Variants in RPN1 observed in about 807,000 individuals in gnomAD.
The protein encoded by RPN1 is dolichyl-diphosphooligosaccharide--protein glycosyltransferase subunit 1.
A neutral mutation model predicts 55.5 loss-of-function variants in RPN1; 12 were observed. That is an observed-to-expected ratio of 0.22 (90% confidence interval 0.14 to 0.35). The LOEUF (loss-of-function observed/expected upper bound fraction) is 0.35. Among genes scored for constraint, RPN1 ranks in the 10% least tolerant of loss-of-function variants. RPN1 has a pLI of 1.00. For missense variants in RPN1, 679 were observed against 761.3 expected, an observed-to-expected ratio of 0.89 and a Z score of 1.27; for synonymous variants, 317 against 305.9, an observed-to-expected ratio of 1.04 and a Z score of -0.38.
At chr3:128,641,066 G>T (rs992439212) in intron 2 of RPN1, 1 of 151,804 alleles carries the variant, frequency 6.6e-6, no homozygotes, top group South Asian at 2.1e-4. Context: ...AGACAACACA[G>T]AACTGTCTAA....
intron 8 of RPN1, among the ~76,000 whole-genome samples, chr3:128,623,657 C>CT (rs1364850631): frequency 6.6e-6 from 1 of 152,252 alleles, no homozygotes; most frequent in East Asian, 1.9e-4. Context: ...CTGCAGTGAG[C>CT]TGTGATTGAT....
intron 1 of RPN1, among the ~76,000 whole-genome samples, chr3:128,650,038 G>C (rs1026816894): frequency 6.6e-6 from 1 of 152,208 alleles, no homozygotes; most frequent in African/African-American, 2.4e-5. Context: ...TGAATTAAGA[G>C]AATGAAATTC....
chr3:128,643,712 T>A (rs536324402), intron 2 of RPN1, among the ~76,000 whole-genome samples: 1 of 151,954 alleles, frequency 6.6e-6, no homozygotes, highest in East Asian at 1.9e-4. Context: ...GGACAATCAC[T>A]TGAACCCGGG....
At chr3:128,624,854 G>A (rs2069587629) in intron 8 of RPN1, among the ~76,000 whole-genome samples, 1 of 152,038 alleles carries the variant, frequency 6.6e-6, no homozygotes, top group Admixed American at 6.6e-5. Context: ...AACACACGCT[G>A]TGCCTGTCAT....
rs142889882 is a variant in RPN1, at chr3:128,622,303, T to C, written c.1502A>G (p.Asn501Ser). The change falls in exon 9 of 10, where the codon AAT (asparagine) becomes AGT (serine). Residue 501 changes from asparagine to serine, a missense_variant. Transcript: ENST00000296255. The part of the protein sequence containing the change: ...GLYRHFDETV[N>S]RYKQSRDIST... Reference sequence around the variant, plus strand: ...GATGTCCCGGGATTGCTTGTACCTATTGACGGTCTCGTCAAAGTGACGGTA... The same window carrying C: ...GATGTCCCGGGATTGCTTGTACCTACTGACGGTCTCGTCAAAGTGACGGTA... 5.9e-5 allele frequency: 95 copies of C among 1,614,252 alleles called. No individual in the cohort carries two copies. In the African/African-American group the frequency reaches 6.9e-4, roughly 12 times the overall value.
At chr3:128,646,285 A>G (rs1383305530) in intron 1 of RPN1, among the ~76,000 whole-genome samples, 1 of 150,550 alleles carries the variant, frequency 6.6e-6, no homozygotes, top group Non-Finnish European at 1.5e-5. Flanking sequence ...AGATCTCCCT[A>G]TGTTGCCCAG....
At chr3:128,624,514 T>C (rs76254846) in intron 8 of RPN1, among the ~76,000 whole-genome samples, 7,315 of 148,948 alleles carry the variant, frequency 0.049, 239 homozygotes, top group Middle Eastern at 0.13. Context: ...AAGAAAAAAA[T>C]CTGCATATAA....
intron 1 of RPN1, among the ~76,000 whole-genome samples, chr3:128,645,724 G>C (rs947210091): frequency 1.3e-5 from 2 of 152,102 alleles, no homozygotes; most frequent in Non-Finnish European, 2.9e-5. Flanking sequence ...GGCTGAGGCA[G>C]AACAATCACT....
rs1034752557 is a variant in RPN1, at chr3:128,636,268, C to T, written c.633+1531G>A. Among the ~76,000 whole-genome samples, 6 of 152,142 alleles carry T rather than the reference C, an allele frequency of 3.9e-5. No individual in the cohort carries two copies. In the East Asian group the frequency reaches 1.2e-3, roughly 29 times the overall value. On this transcript the variant is annotated intron_variant, in intron 3 of 9. Transcript: ENST00000296255. ...CTGAGCTCAGGAGTTCAAGACCAGC[C>T]TGGCCAACATGGAGAAACCCCGTCT...
In RPN1 at chr3:128,632,116, C is replaced by G; in HGVS notation, c.675G>C (p.Leu225=). The G allele has an allele frequency of 6.2e-7, 1 of 1,614,122 alleles. No homozygotes were observed. Among genetic ancestry groups the G allele is most frequent in the Non-Finnish European group, 8.5e-7 (1 of 1,180,022 alleles). Residue 225 remains leucine (L), a synonymous_variant, in exon 4 of 10, where the codon CTG becomes CTC. Coordinates refer to ENST00000296255, the MANE Select transcript of RPN1 (RefSeq NM_002950.4). ...TGACTCGGGTCATGCTGGTGATGGTCAGGAAAGGGCTGTTGTTCTCATAAT... is the reference window on the plus strand; with the variant it reads ...TGACTCGGGTCATGCTGGTGATGGTGAGGAAAGGGCTGTTGTTCTCATAAT... The part of the protein sequence containing the change: ...KVHYENNSPF[L]TITSMTRVIE...
At chr3:128,634,917 A>G (rs1487226477) in intron 3 of RPN1, among the ~76,000 whole-genome samples, 1 of 152,088 alleles carries the variant, frequency 6.6e-6, no homozygotes, top group Non-Finnish European at 1.5e-5. Flanking sequence ...CCAAATATTT[A>G]TATTTTTAAA....
chr3:128,650,722 C>T lies in RPN1; in HGVS notation c.79G>A (p.Glu27Lys). ...TCCTCATTGATCAGCGGCGGTGCCT[C>T]GGAGGAGGCGCTGCCCGGCGCCGGG... ...WAPAPGSASS[E>K]APPLINEDVK... The change falls in exon 1 of 10, where the codon GAG becomes AAG. Residue 27 changes from glutamate (E) to lysine (K), a missense_variant. Transcript: ENST00000296255. 1.9e-6 allele frequency: 3 copies of T among 1,561,212 alleles called. No homozygotes were observed. The highest frequency in any genetic ancestry group is 1.7e-4 in the Middle Eastern group (1 of 5,958).
intron 7 of RPN1, 70 bp downstream of exon 7, chr3:128,625,804 T>C: frequency 6.4e-7 from 1 of 1,558,672 alleles, no homozygotes; most frequent in Non-Finnish European, 8.7e-7. Flanking sequence ...GGACAGAAGG[T>C]GAGTTCTTGG....
Position 128,631,981 on chromosome 3 carries a change from T to G in RPN1, c.810A>C (p.Pro270=), listed in dbSNP as rs1560022514. Reference sequence around the variant, plus strand: ...AACGGATGGAGGATATTCCACTATCTGGCTGTCTCTGGTAATCATAGCGTG... The same window carrying G: ...AACGGATGGAGGATATTCCACTATCGGGCTGTCTCTGGTAATCATAGCGTG... ...PFSRYDYQRQ[P]DSGISSIRSF... is the part of the protein sequence containing the mutation. The change falls in exon 4 of 10, where the codon CCA becomes CCC. Residue 270 remains proline, a synonymous_variant. Coordinates refer to ENST00000296255, the MANE Select transcript of RPN1 (RefSeq NM_002950.4). The G allele has an allele frequency of 6.2e-7, 1 of 1,614,214 alleles. No individual in the cohort carries two copies. The highest frequency in any genetic ancestry group is 2.2e-5 in the East Asian group (1 of 44,884).
intron 4 of RPN1, 23 bp downstream of exon 4, chr3:128,631,925 T>C (rs76367978): frequency 0.033 from 53,060 of 1,612,108 alleles, 1,014 homozygotes; most frequent in South Asian, 0.048. Context: ...TTTCTCACAA[T>C]GTCCAAGTTG....
At position 128,626,016 on chromosome 3, in the gene RPN1, G is replaced by A. The variant is rs1332143535; in HGVS notation, c.1137-4C>T. ...GGGACTATCAATTTCAATGTTCCTG[G>A]AAGAAGATGGGAATAAAATATAGCC... On this transcript the variant is annotated splice_polypyrimidine_tract_variant and splice_region_variant and intron_variant, in intron 6 of 9. Coordinates refer to ENST00000296255, the MANE Select transcript of RPN1 (RefSeq NM_002950.4). 4 of 1,593,664 alleles carry A rather than the reference G, an allele frequency of 2.5e-6. No homozygotes were observed. The highest frequency in any genetic ancestry group is 2.7e-5 in the African/African-American group (2 of 73,970).
At chr3:128,633,047 A>G (rs755461597) in intron 3 of RPN1, among the ~76,000 whole-genome samples, 5 of 152,320 alleles carry the variant, frequency 3.3e-5, no homozygotes, top group Non-Finnish European at 7.3e-5. Context: ...TTATTCACTC[A>G]TTCTATGACT....
At position 128,650,568 on chromosome 3, in the gene RPN1, T is replaced by A; in HGVS notation, c.233A>T (p.Glu78Val). The change falls in exon 1 of 10, where the codon GAG becomes GTG. Residue 78 changes from glutamate (E) to valine (V), a missense_variant. Glu to Val is a moderately radical substitution (Grantham distance 121). Coordinates refer to ENST00000296255, the MANE Select transcript of RPN1 (RefSeq NM_002950.4). The stretch of plus-strand genomic sequence containing the variant: ...CACGCCCAGGTGCGCCAGCCGGGCC[T>A]CGAGCTCAGGCTCCAAAGCCAGCAG... ...SFLLALEPEL[E>V]ARLAHLGVQV... is the part of the protein sequence containing the mutation. 6.5e-7 allele frequency: 1 copy of A among 1,545,792 alleles called. No homozygotes were observed. The highest frequency in any genetic ancestry group is 1.2e-5 in the South Asian group (1 of 83,938).
chr3:128,635,448 G>A (rs529279098), intron 3 of RPN1, among the ~76,000 whole-genome samples: 1 of 151,506 alleles, frequency 6.6e-6, no homozygotes, highest in Non-Finnish European at 1.5e-5. Flanking sequence ...CTAGAGTTGA[G>A]TGCAACTACA....
Sources: allele counts gnomAD v4.1 joint callset (sites outside exome capture counted in the v4.1 genomes callset), GRCh38; gene constraint gnomAD v4.1.1; transcripts MANE v1.5; gene names NCBI Gene and HGNC (gene_info 2026-07-23, HGNC 2026-07-21).